Variants in P2RX3 observed in about 807,000 individuals in gnomAD.
The protein encoded by P2RX3 is purinergic receptor P2X 3, also known as P2X purinoceptor 3.
Under a neutral mutation model 51.5 loss-of-function variants are expected in P2RX3, and 41 were observed. The ratio of observed to expected loss-of-function variants is 0.80; its 90% CI spans 0.62 to 1.03. The LOEUF is 1.03. Among genes scored for constraint, P2RX3 ranks in the 50% least tolerant of loss-of-function variants. The pLI is 0.00. For synonymous variants in P2RX3, 185 were observed against 191.6 expected (o/e 0.97, Z 0.29); for missense variants, 459 against 522.1 (o/e 0.88, Z 1.18).
At chr11:57,368,665 C>G (rs1180213464) in intron 10 of P2RX3, among the ~76,000 whole-genome samples, 1 of 152,188 alleles carries the variant, frequency 6.6e-6, no homozygotes, top group Non-Finnish European at 1.5e-5. Flanking sequence ...GCAGCCTTCC[C>G]GTTTTCAGGA....
At chr11:57,352,077 T>C (rs1856557952) in intron 8 of P2RX3, among the ~76,000 whole-genome samples, 1 of 152,206 alleles carries the variant, frequency 6.6e-6, no homozygotes, top group African/African-American at 2.4e-5. Flanking sequence ...AACATAAGAA[T>C]GTATATTTGA....
At chr11:57,337,836 A>G (rs1856263853), upstream of P2RX3, among the ~76,000 whole-genome samples, 1 of 152,266 alleles carries the variant, frequency 6.6e-6, no homozygotes, top group South Asian at 2.1e-4. Context: ...TATAAGAATA[A>G]TAATAAAAAG....
At chr11:57,342,280 C>T (rs2134407380) in intron 1 of P2RX3, among the ~76,000 whole-genome samples, 1 of 151,404 alleles carries the variant, frequency 6.6e-6, no homozygotes, top group East Asian at 2.0e-4. Flanking sequence ...CTGCCTCAGC[C>T]TCCCCGGTAG....
In P2RX3 at chr11:57,349,909, A is replaced by T; in HGVS notation, c.705+11A>T. 1 of 1,614,004 alleles carries T rather than the reference A, an allele frequency of 6.2e-7. No homozygotes were observed. Among genetic ancestry groups the T allele is most frequent in the Non-Finnish European group, 8.5e-7 (1 of 1,179,864 alleles). Reference sequence around the variant, plus strand: ...AAACTGGCGCGCACGGTGAGGACCTAGCCATTCTTCCGCGACCCCAAACTC... The same window carrying T: ...AAACTGGCGCGCACGGTGAGGACCTTGCCATTCTTCCGCGACCCCAAACTC... On this transcript the variant is annotated intron_variant, in intron 7 of 11. Coordinates refer to ENST00000263314, the MANE Select transcript of P2RX3 (RefSeq NM_002559.5).
At chr11:57,360,628 T>TA (rs1042288739) in intron 8 of P2RX3, among the ~76,000 whole-genome samples, 5 of 150,360 alleles carry the variant, frequency 3.3e-5, no homozygotes, top group Admixed American at 6.6e-5. Flanking sequence ...CTGTCTCTAC[T>TA]AAAAAAAATA....
chr11:57,371,311 G>A lies in P2RX3; in HGVS notation c.*1314G>A, dbSNP rs535670808. 5.3e-5 allele frequency among the ~76,000 whole-genome samples: 8 copies of A among 152,354 alleles called. No homozygotes were observed. The South Asian group carries it at 1.7e-3, about 32-fold the overall frequency. On this transcript the variant is annotated 3_prime_UTR_variant, in exon 12 of 12. Coordinates refer to ENST00000263314, the MANE Select transcript of P2RX3 (RefSeq NM_002559.5). ...AATCCTAAGCATATACAATTTGGGG[G>A]CATCTCTTTAGAAAGAATACAAAAT...
At position 57,349,770 on chromosome 11, in the gene P2RX3, C is replaced by A; in HGVS notation, c.577C>A (p.Pro193Thr). The change falls in exon 7 of 12, where the codon CCC becomes ACC. Residue 193 changes from proline to threonine, a missense_variant. Coordinates refer to ENST00000263314, the MANE Select transcript of P2RX3 (RefSeq NM_002559.5). Reference sequence around the variant, plus strand: ...GCTCCTCCCCAGGGGAAACCTCCTTCCCAACCTGACAGCCAGGGACATGAA... The same window carrying A: ...GCTCCTCCCCAGGGGAAACCTCCTTACCAACCTGACAGCCAGGGACATGAA... ...LFNFEKGNLL[P>T]NLTARDMKTC... The A allele has an allele frequency of 6.2e-7, 1 of 1,614,170 alleles. No homozygotes were observed. The highest frequency in any genetic ancestry group is 8.5e-7 in the Non-Finnish European group (1 of 1,180,018).
Position 57,350,075 on chromosome 11 carries a change from G to A in P2RX3, c.705+177G>A, listed in dbSNP as rs75105173. On this transcript the variant is annotated intron_variant, in intron 7 of 11. Coordinates refer to ENST00000263314, the MANE Select transcript of P2RX3 (RefSeq NM_002559.5). ...GAATCCTTTCTGCTTTCCCCGCGCA[G>A]AGCGATCTTGCCCCCCGCCTCCGCC... Among the ~76,000 whole-genome samples, 219 of 152,232 alleles carry A rather than the reference G, an allele frequency of 1.4e-3. 3 individuals are homozygous for A. In the East Asian group the frequency reaches 0.032, roughly 22 times the overall value.
At chr11:57,365,332 C>T (rs550513359) in intron 8 of P2RX3, among the ~76,000 whole-genome samples, 10 of 152,344 alleles carry the variant, frequency 6.6e-5, no homozygotes, top group South Asian at 4.1e-4. Context: ...AAGCTGCTAC[C>T]GCCTAGGCTG....
chr11:57,352,229 A>G (rs1232654221), intron 8 of P2RX3, among the ~76,000 whole-genome samples: 4 of 152,206 alleles, frequency 2.6e-5, no homozygotes, highest in Non-Finnish European at 4.4e-5. Context: ...CCACCCCATT[A>G]AGCTTTATAT....
chr11:57,362,195 G>A (rs1318701076), intron 8 of P2RX3, among the ~76,000 whole-genome samples: 1 of 152,204 alleles, frequency 6.6e-6, no homozygotes, highest in Non-Finnish European at 1.5e-5. Flanking sequence ...AGACATCTGT[G>A]TCTGTGGGAT....
At position 57,370,019 on chromosome 11, in the gene P2RX3, A is replaced by G. The variant is rs1485992630; in HGVS notation, c.*22A>G. Reference sequence around the variant, plus strand: ...CTAGGGCCTCTTTCCAGGGCCCCACACTCACAAAGGCTCCAGGCCTCCCCA... The same window carrying G: ...CTAGGGCCTCTTTCCAGGGCCCCACGCTCACAAAGGCTCCAGGCCTCCCCA... On this transcript the variant is annotated 3_prime_UTR_variant, in exon 12 of 12. Transcript: ENST00000263314. 6.5e-7 allele frequency: 1 copy of G among 1,547,496 alleles called. No individual in the cohort carries two copies. Among genetic ancestry groups the G allele is most frequent in the South Asian group, 1.1e-5 (1 of 89,026 alleles).
intron 8 of P2RX3, among the ~76,000 whole-genome samples, chr11:57,358,647 G>C (rs1429179093): frequency 1.3e-5 from 2 of 152,032 alleles, no homozygotes; most frequent in Non-Finnish European, 2.9e-5. Context: ...GATCTTTTAG[G>C]CTCCTTCAAG....
At chr11:57,361,976 G>A (rs755078874) in intron 8 of P2RX3, among the ~76,000 whole-genome samples, 4 of 152,162 alleles carry the variant, frequency 2.6e-5, no homozygotes, top group Non-Finnish European at 5.9e-5. Flanking sequence ...GGCTTGTGTG[G>A]TTAATTAGTA....
intron 1 of P2RX3, among the ~76,000 whole-genome samples, chr11:57,344,059 A>T (rs1856389359): frequency 6.6e-6 from 1 of 152,228 alleles, no homozygotes; most frequent in Admixed American, 6.5e-5. Context: ...GTGCTGGGAG[A>T]TAAAGCAGCA....
chr11:57,345,969 C>G (rs1856424321), intron 1 of P2RX3, among the ~76,000 whole-genome samples: 2 of 150,172 alleles, frequency 1.3e-5, no homozygotes, highest in Non-Finnish European at 3.0e-5. Flanking sequence ...GACACCTGGG[C>G]AGATAGATTC....
chr11:57,349,707 A>G (rs1437054405), intron 6 of P2RX3, 50 bp from the exon 7 acceptor site: 1 of 1,611,460 alleles, frequency 6.2e-7, no homozygotes, highest in Non-Finnish European at 8.5e-7. Flanking sequence ...ATTGCACAAG[A>G]CGATCTTCCC....
At chr11:57,363,713 T>C (rs1856754950) in intron 8 of P2RX3, among the ~76,000 whole-genome samples, 1 of 152,200 alleles carries the variant, frequency 6.6e-6, no homozygotes, top group South Asian at 2.1e-4. Flanking sequence ...GAGCTGTCTC[T>C]GTCACAGGGG....
At chr11:57,368,631 A>G (rs1856833772) in intron 10 of P2RX3, among the ~76,000 whole-genome samples, 194 bp downstream of exon 10, 1 of 152,212 alleles carries the variant, frequency 6.6e-6, no homozygotes, top group South Asian at 2.1e-4. Context: ...GTCTCCAGTC[A>G]TGGAGAGCTC....
Sources: gnomAD v4.1 joint callset for allele counts (sites outside exome capture counted in the v4.1 genomes callset) on GRCh38, gnomAD v4.1.1 for gene constraint, MANE v1.5 for transcripts, NCBI Gene and HGNC (gene_info 2026-07-23, HGNC 2026-07-21) for gene names.